Variants in LRRTM4 observed in about 807,000 individuals in gnomAD.
LRRTM4 encodes the protein leucine-rich repeat transmembrane neuronal protein 4.
Under a neutral mutation model 47.6 loss-of-function variants are expected in LRRTM4, and 25 were observed. The observed-to-expected ratio is 0.53, with a 90% confidence interval of 0.38 to 0.73. The LOEUF (loss-of-function observed/expected upper bound fraction) is 0.73, where lower values mean the gene tolerates loss of function less well. LRRTM4 is among the 30% of genes least tolerant of loss of function. LRRTM4 has a pLI of 0.00. For missense variants in LRRTM4, 638 were observed against 713.4 expected (o/e 0.89, Z 1.20); for synonymous variants, 311 against 269.5 (o/e 1.15, Z -1.51).
At chr2:77,501,496 AAGTT>A (rs1457682720) in intron 3 of LRRTM4, among the ~76,000 whole-genome samples, 1 of 151,186 alleles carries the variant, frequency 6.6e-6, no homozygotes, top group African/African-American at 2.4e-5. Context: ...TGACAATAAA[AAGTT>A]AGTTGAATTA....
intron 3 of LRRTM4, among the ~76,000 whole-genome samples, chr2:77,482,258 CAAG>C (rs1677733710): frequency 6.6e-6 from 1 of 152,004 alleles, no homozygotes; most frequent in African/African-American, 2.4e-5. Flanking sequence ...TGTGAGAGAA[CAAG>C]AAGAACACTT....
At chr2:76,833,582 A>AGTATG in intron 3 of LRRTM4, among the ~76,000 whole-genome samples, 1 of 151,216 alleles carries the variant, frequency 6.6e-6, no homozygotes, top group African/African-American at 2.4e-5. Context: ...TTATATTCAT[A>AGTATG]ATATATTACC....
chr2:77,316,527 A>G (rs1008109938), intron 3 of LRRTM4, among the ~76,000 whole-genome samples: 33 of 151,552 alleles, frequency 2.2e-4, no homozygotes, highest in African/African-American at 7.3e-4. Context: ...AGGGCTGAAA[A>G]TATAATGGGA....
chr2:77,009,363 G>A (rs956830323), intron 3 of LRRTM4: 2 of 152,098 alleles, frequency 1.3e-5, no homozygotes, highest in South Asian at 2.1e-4. Flanking sequence ...TTCCTTAGAA[G>A]TTGAACACAC....
chr2:77,043,250 C>G (rs1006021395), intron 3 of LRRTM4, among the ~76,000 whole-genome samples: 3 of 151,674 alleles, frequency 2.0e-5, no homozygotes, highest in Non-Finnish European at 4.4e-5. Flanking sequence ...TCTAGTCTAC[C>G]CATTCAAGTT....
At chr2:76,838,735 T>C (rs772631699) in intron 3 of LRRTM4, among the ~76,000 whole-genome samples, 14 of 152,168 alleles carry the variant, frequency 9.2e-5, no homozygotes, top group Admixed American at 3.9e-4. Context: ...TTGGTGTTAT[T>C]TGGATGAAAT....
At chr2:77,155,844 T>A (rs940091903) in intron 3 of LRRTM4, among the ~76,000 whole-genome samples, 1 of 152,092 alleles carries the variant, frequency 6.6e-6, no homozygotes, top group Non-Finnish European at 1.5e-5. Context: ...TGACTATGGT[T>A]AACAGTAAAA....
intron 3 of LRRTM4, among the ~76,000 whole-genome samples, chr2:76,780,741 AG>A (rs1553407009): frequency 1.3e-5 from 2 of 152,064 alleles, no homozygotes; most frequent in Non-Finnish European, 2.9e-5. Flanking sequence ...GATTGTCTGA[AG>A]TCTTCTTCTC....
At chr2:77,336,898 A>T (rs1671188567) in intron 3 of LRRTM4, among the ~76,000 whole-genome samples, 1 of 152,130 alleles carries the variant, frequency 6.6e-6, no homozygotes, top group African/African-American at 2.4e-5. Context: ...ACCAAAAGAC[A>T]TCCAAATAAG....
chr2:77,510,107 A>C (rs1678926306), intron 3 of LRRTM4, among the ~76,000 whole-genome samples: 1 of 152,180 alleles, frequency 6.6e-6, no homozygotes, highest in South Asian at 2.1e-4. Context: ...AATTGACAAG[A>C]GTGGTATCAA....
chr2:77,421,504 G>C (rs370398936), intron 3 of LRRTM4, among the ~76,000 whole-genome samples: 3 of 152,054 alleles, frequency 2.0e-5, no homozygotes, highest in Admixed American at 6.5e-5. Context: ...TCAGGAGATC[G>C]AGACCATCCT....
At chr2:77,167,818 G>A (rs540072428) in intron 3 of LRRTM4, among the ~76,000 whole-genome samples, 194 of 152,218 alleles carry the variant, frequency 1.3e-3, no homozygotes, top group Non-Finnish European at 2.1e-3. Flanking sequence ...GGGGAAGGTG[G>A]GAGGGATAGC....
intron 3 of LRRTM4, among the ~76,000 whole-genome samples, chr2:77,374,826 C>T (rs1156705655): frequency 6.6e-6 from 1 of 151,650 alleles, no homozygotes; most frequent in Non-Finnish European, 1.5e-5. Flanking sequence ...TTCCAAAAGT[C>T]ATCTTAAAGT....
chr2:77,203,790 A>C (rs1268137461), intron 3 of LRRTM4, among the ~76,000 whole-genome samples: 2 of 152,162 alleles, frequency 1.3e-5, no homozygotes, highest in African/African-American at 2.4e-5. Context: ...TGTGTCAAGA[A>C]ACTTTTTGTT....
intron 3 of LRRTM4, among the ~76,000 whole-genome samples, chr2:77,429,763 G>T (rs949873448): frequency 6.6e-6 from 1 of 152,110 alleles, no homozygotes; most frequent in Non-Finnish European, 1.5e-5. Context: ...ATTGAGACAG[G>T]AGGAGTTAAT....
At chr2:77,204,919 T>A (rs1648861358) in intron 3 of LRRTM4, among the ~76,000 whole-genome samples, 1 of 152,162 alleles carries the variant, frequency 6.6e-6, no homozygotes, top group Non-Finnish European at 1.5e-5. Context: ...ATCAGCATCA[T>A]CCAGAAAAGG....
At chr2:77,460,612 T>G (rs1182202828) in intron 3 of LRRTM4, among the ~76,000 whole-genome samples, 1 of 152,156 alleles carries the variant, frequency 6.6e-6, no homozygotes, top group Admixed American at 6.6e-5. Context: ...ATTATACACA[T>G]GTAATAAGTT....
chr2:77,225,926 A>C (rs1391105308), intron 3 of LRRTM4, among the ~76,000 whole-genome samples: 1 of 152,012 alleles, frequency 6.6e-6, no homozygotes, highest in Non-Finnish European at 1.5e-5. Context: ...GAAAATAAAT[A>C]GTTAAGTAGC....
chr2:77,211,483 C>T (rs957409581), intron 3 of LRRTM4, among the ~76,000 whole-genome samples: 5 of 152,138 alleles, frequency 3.3e-5, no homozygotes, highest in South Asian at 4.2e-4. Context: ...AGTGATTGGC[C>T]CAACTTCCAA....
Sources: gnomAD v4.1 joint callset for allele counts (sites outside exome capture counted in the v4.1 genomes callset) on GRCh38, gnomAD v4.1.1 for gene constraint, MANE v1.5 for transcripts, NCBI Gene and HGNC (gene_info 2026-07-23, HGNC 2026-07-21) for gene names.